Variants in SRFBP1 observed in about 807,000 individuals in gnomAD.
SRFBP1 encodes the protein serum response factor binding protein 1.
Under a neutral mutation model 45.5 loss-of-function variants are expected in SRFBP1, and 47 were observed. That is an observed-to-expected ratio of 1.03 (90% CI 0.82 to 1.32). The LOEUF is 1.32. Ranked by LOEUF, SRFBP1 falls within the 40% of genes most tolerant of loss-of-function variation. The pLI is 0.00. For missense variants in SRFBP1, 621 were observed against 484.6 expected (o/e 1.28, Z -2.64); for synonymous variants, 203 against 166.3 (o/e 1.22, Z -1.70).
At chr5:122,026,501 C>G (rs1322538643) in intron 7 of SRFBP1, among the ~76,000 whole-genome samples, 1 of 152,190 alleles carries the variant, frequency 6.6e-6, no homozygotes, top group Non-Finnish European at 1.5e-5. Flanking sequence ...TAAGCACTAT[C>G]AGTATTGTCA....
downstream of SRFBP1, among the ~76,000 whole-genome samples, chr5:122,033,117 G>A (rs1327614001): frequency 1.3e-5 from 2 of 150,214 alleles, no homozygotes; most frequent in Non-Finnish European, 3.0e-5. Context: ...GACCACTTTT[G>A]TATCAATTTT....
chr5:121,997,946 C>G (rs1330177056), intron 4 of SRFBP1, among the ~76,000 whole-genome samples: 1 of 150,380 alleles, frequency 6.6e-6, no homozygotes, highest in African/African-American at 2.4e-5. Context: ...CAGAGAAATG[C>G]AAATCAAAAC....
chr5:122,027,191 C>G lies in SRFBP1; in HGVS notation c.*65C>G, dbSNP rs1017196317. 9 of 1,307,776 alleles carry G rather than the reference C, an allele frequency of 6.9e-6. No homozygotes were observed. The Admixed American group carries it at 8.8e-5, about 13-fold the overall frequency. 81.0% of individuals were successfully genotyped at this position (1,307,776 alleles called of 1,614,324 possible). ...AAATGTTTTTTTTAAGACAGGATCT[C>G]ATTCTGTTGCCCAGACTAGAGTACA... On this transcript the variant is annotated 3_prime_UTR_variant, in exon 8 of 8. Transcript: ENST00000339397.
In SRFBP1 at chr5:121,973,151, A is replaced by AGAC. The variant is rs1484970918; in HGVS notation, c.37-1045_37-1044insGAC. Among the ~76,000 whole-genome samples the AGAC allele has an allele frequency of 1.2e-3, 175 of 152,034 alleles. 1 individual carries two copies. Among genetic ancestry groups the AGAC allele is most frequent in the African/African-American group, 4.1e-3 (170 of 41,548 alleles). ...ACTCTTGCAGGGCAAAGAAAACACTATATAAATATTACAAGACTCCTGTTT... is the reference window on the plus strand; with the variant it reads ...ACTCTTGCAGGGCAAAGAAAACACTAGACTATAAATATTACAAGACTCCTGTTT... On this transcript the variant is annotated intron_variant, in intron 1 of 7. Coordinates refer to ENST00000339397, the MANE Select transcript of SRFBP1 (RefSeq NM_152546.3).
At chr5:122,012,198 T>G (rs892919011) in intron 4 of SRFBP1, among the ~76,000 whole-genome samples, 1 of 152,078 alleles carries the variant, frequency 6.6e-6, no homozygotes, top group Non-Finnish European at 1.5e-5. Flanking sequence ...CTTTAGATCT[T>G]GTTGAAATTT....
chr5:122,000,866 T>C lies in SRFBP1; in HGVS notation c.270+6196T>C, dbSNP rs561791151. 1.6e-3 allele frequency among the ~76,000 whole-genome samples: 238 copies of C among 152,296 alleles called. 2 individuals are homozygous for C. Among genetic ancestry groups the C allele is most frequent in the African/African-American group, 5.5e-3 (228 of 41,566 alleles). On this transcript the variant is annotated intron_variant, in intron 4 of 7. Transcript: ENST00000339397. ...AATCTAAATTTTGCATTAATTTTTA[T>C]GATAAACTATAAGACTACCAAATTT...
At chr5:122,077,860 C>G (rs1203264499), downstream of SRFBP1, 1 of 1,539,946 alleles carries the variant, frequency 6.5e-7, no homozygotes, top group Non-Finnish European at 8.7e-7. This position sits in a 1 kb window ranked among gnomAD's most constrained non-coding sequence, Gnocchi z 4.9. Flanking sequence ...TCTGCTGGCG[C>G]CAGGCGCCCG....
intron 2 of SRFBP1, among the ~76,000 whole-genome samples, chr5:122,037,622 C>T (rs1753713939): frequency 6.6e-6 from 1 of 152,002 alleles, no homozygotes; most frequent in African/African-American, 2.4e-5. Flanking sequence ...TCCTAAGTAG[C>T]CAAGATTACA....
chr5:122,074,678 T>G lies in SRFBP1; in HGVS notation n.312-637T>G, dbSNP rs181136042. The stretch of plus-strand genomic sequence containing the variant: ...ATTATTATTTAAATAGTACACACTT[T>G]TATTTAGAAATAAAATATTCCTATT... On this transcript the variant is annotated intron_variant and non_coding_transcript_variant, in intron 2 of 2. Transcript: ENST00000504881. 6.0e-4 allele frequency among the ~76,000 whole-genome samples: 91 copies of G among 152,318 alleles called. 1 individual carries two copies. Among genetic ancestry groups the G allele is most frequent in the African/African-American group, 2.1e-3 (88 of 41,560 alleles).
At chr5:121,968,069 A>T (rs1752111558) in intron 1 of SRFBP1, among the ~76,000 whole-genome samples, 3 of 152,096 alleles carry the variant, frequency 2.0e-5, no homozygotes, top group Admixed American at 1.3e-4. Flanking sequence ...TAACATACGT[A>T]TCTATACCCA....
chr5:122,075,018 C>T (rs1335316751), intron 2 of SRFBP1, among the ~76,000 whole-genome samples: 2 of 152,164 alleles, frequency 1.3e-5, no homozygotes, highest in South Asian at 4.1e-4. Context: ...CTACATCTTT[C>T]TTTGAGAATG....
At chr5:121,998,542 C>A (rs999086253) in intron 4 of SRFBP1, among the ~76,000 whole-genome samples, 7 of 143,582 alleles carry the variant, frequency 4.9e-5, no homozygotes, top group Non-Finnish European at 7.5e-5. Context: ...GGAGGGATAG[C>A]ATTGGGAGAT....
chr5:122,074,727 T>C (rs1754565642), intron 2 of SRFBP1, among the ~76,000 whole-genome samples: 1 of 152,246 alleles, frequency 6.6e-6, no homozygotes, highest in Non-Finnish European at 1.5e-5. Context: ...AAGGGACTTA[T>C]ATCTACTTTT....
In SRFBP1 at chr5:122,022,402, C is replaced by T. The variant is rs772890801; in HGVS notation, c.1100C>T (p.Ser367Phe). ...NFKEQAPKTR[S>F]LDFPQNEPQI... ...AAAGAACAGGCTCCAAAAACAAGAT[C>T]CCTAGGTATGTATTCATAGTTGCCT... The change falls in exon 7 of 8, where the codon TCC becomes TTC. Residue 367 changes from serine (S) to phenylalanine (F), a missense_variant. Transcript: ENST00000339397. 1.2e-6 allele frequency: 2 copies of T among 1,611,172 alleles called. No homozygotes were observed. The highest frequency in any genetic ancestry group is 2.2e-5 in the South Asian group (2 of 90,412).
At position 122,020,676 on chromosome 5, in the gene SRFBP1, T is replaced by C. The variant is rs201133756; in HGVS notation, c.941T>C (p.Phe314Ser). 2.0e-3 allele frequency: 3,300 copies of C among 1,613,996 alleles called. 7 individuals are homozygous for C. The highest frequency in any genetic ancestry group is 2.6e-3 in the Non-Finnish European group (3,073 of 1,179,982). The part of the protein sequence containing the change: ...VKEQKPLEKV[F>S]LKEDTGETHG... ...GAACAAAAACCACTAGAAAAAGTGT[T>C]TCTTAAAGAAGATACAGGTGAAACT... The change falls in exon 6 of 8, where the codon TTT (phenylalanine) becomes TCT (serine). Residue 314 changes from phenylalanine to serine, a missense_variant. Coordinates refer to ENST00000339397, the MANE Select transcript of SRFBP1 (RefSeq NM_152546.3).
intron 6 of SRFBP1, among the ~76,000 whole-genome samples, chr5:122,021,187 T>C (rs970635583): frequency 6.6e-6 from 1 of 152,248 alleles, no homozygotes; most frequent in Non-Finnish European, 1.5e-5. Flanking sequence ...AGGACCATTA[T>C]TGTAAACATC....
chr5:122,022,791 T>C (rs1015887076), intron 7 of SRFBP1, among the ~76,000 whole-genome samples: 1 of 152,222 alleles, frequency 6.6e-6, no homozygotes, highest in Non-Finnish European at 1.5e-5. Context: ...AATCAGAATA[T>C]TTTCAGATTA....
intron 2 of SRFBP1, among the ~76,000 whole-genome samples, chr5:122,069,423 C>T (rs372218467): frequency 4.6e-5 from 7 of 152,070 alleles, no homozygotes; most frequent in African/African-American, 1.4e-4. Flanking sequence ...ACCTACCCAA[C>T]CTTTTTTCAT....
intron 1 of SRFBP1, among the ~76,000 whole-genome samples, chr5:121,968,570 A>C (rs573395281): frequency 8.7e-4 from 133 of 152,218 alleles, no homozygotes; most frequent in Non-Finnish European, 1.8e-3. Flanking sequence ...TATATGCTTT[A>C]TTTATATACG....
Sources: allele counts gnomAD v4.1 joint callset (sites outside exome capture counted in the v4.1 genomes callset), GRCh38; gene constraint gnomAD v4.1.1; non-coding constraint Gnocchi (gnomAD v3.1); transcripts MANE v1.5; gene names NCBI Gene and HGNC (gene_info 2026-07-23, HGNC 2026-07-21).